Variants in UBE2A observed in about 807,000 individuals in gnomAD.
UBE2A encodes the protein ubiquitin conjugating enzyme E2 A.
For synonymous variants in UBE2A, 39 were observed against 41.1 expected (o/e 0.95, Z 0.20); for missense variants, 27 against 125.8 (o/e 0.21, Z 3.76).
intron 4 of UBE2A, among the ~76,000 whole-genome samples, chrX:119,582,012 C>T (rs763468912): frequency 8.9e-6 from 1 of 112,289 alleles, no homozygotes; most frequent in South Asian, 3.6e-4. Flanking sequence ...CACTCCAAAC[C>T]TAATGAATAG....
intron 3 of UBE2A, among the ~76,000 whole-genome samples, chrX:119,579,166 C>G (rs1239775203): frequency 8.9e-6 from 1 of 111,864 alleles, no homozygotes; most frequent in Non-Finnish European, 1.9e-5. Flanking sequence ...CTTCACTTCT[C>G]AAGATATTAA....
intron 3 of UBE2A, 59 bp downstream of exon 3, chrX:119,575,459 C>T: frequency 8.3e-7 from 1 of 1,198,142 alleles, no homozygotes; most frequent in Non-Finnish European, 1.1e-6. Context: ...GAAAGGGTTC[C>T]CAGTCATCCT....
chrX:119,579,526 C>G (rs974398692), intron 3 of UBE2A, among the ~76,000 whole-genome samples: 20 of 111,453 alleles, frequency 1.8e-4, no homozygotes, highest in African/African-American at 6.2e-4. Context: ...CTCATTTAAA[C>G]CTCACAACAA....
intron 2 of UBE2A, 192 bp from the exon 3 acceptor site, chrX:119,575,183 G>A: frequency 1.3e-6 from 1 of 741,319 alleles, no homozygotes; most frequent in Non-Finnish European, 2.0e-6. Flanking sequence ...TTCTAGGGGG[G>A]CGGGGCGGGG....
intron 3 of UBE2A, among the ~76,000 whole-genome samples, chrX:119,577,846 T>G (rs929039521): frequency 4.4e-4 from 48 of 109,876 alleles, no homozygotes; most frequent in African/African-American, 1.6e-3. Context: ...TTCACTATGT[T>G]GGGCAGGCTG....
rs1038218592 is a variant in UBE2A at position 119,581,544 on chromosome X, T to C, written c.189T>C (p.Tyr63=). 1 of 1,206,297 alleles carries C rather than the reference T, an allele frequency of 8.3e-7. No individual in the cohort carries two copies. The highest frequency in any genetic ancestry group is 3.0e-5 in the East Asian group (1 of 33,829). ...TTACAATAGAATTCACTGAAGAATA[T>C]CCAAATAAACCACCTACAGTTAGAT... ...FKLTIEFTEE[Y]PNKPPTVRFV... is the part of the protein sequence containing the mutation. Residue 63 remains tyrosine (Y), a synonymous_variant, in exon 4 of 6, where the codon TAT becomes TAC. Transcript: ENST00000371558.
chrX:119,578,772 C>T (rs1346554935), intron 3 of UBE2A, among the ~76,000 whole-genome samples: 1 of 111,233 alleles, frequency 9.0e-6, no homozygotes, highest in Non-Finnish European at 1.9e-5. Context: ...TCACTTAACA[C>T]GTTTATGTAA....
intron 5 of UBE2A, 73 bp downstream of exon 5, chrX:119,582,749 G>C: frequency 1.2e-6 from 1 of 851,232 alleles, no homozygotes. Context: ...GTTTTTGAAA[G>C]TCATAATGTA....
intron 3 of UBE2A, among the ~76,000 whole-genome samples, chrX:119,579,692 C>T (rs2053439044): frequency 8.9e-6 from 1 of 112,042 alleles, no homozygotes; most frequent in African/African-American, 3.2e-5. Flanking sequence ...ATGCTCTTAG[C>T]AGTGTGTTTT....
rs1262087797 is a variant in UBE2A, at chrX:119,583,938, G to A, written c.*683G>A. 8.9e-6 allele frequency: 1 copy of A among 112,588 alleles called. No homozygotes were observed. Among genetic ancestry groups the A allele is most frequent in the African/African-American group, 3.2e-5 (1 of 30,839 alleles). The allele number at this position is 112,588 out of a possible 1,213,427, so 9.3% of individuals were successfully genotyped here. A position where few individuals can be genotyped will look rare whatever the true frequency, so the allele number is the denominator to read the frequency against. On this transcript the variant is annotated 3_prime_UTR_variant, in exon 6 of 6. Transcript: ENST00000371558. The stretch of plus-strand genomic sequence containing the variant: ...CAAGTTTCAGAATTATTGGTCTTCT[G>A]GGTTTTTGCTTTTTAAAAGAGGTGT...
intron 3 of UBE2A, among the ~76,000 whole-genome samples, chrX:119,576,504 TAC>T (rs748580325): frequency 0.15 from 16,441 of 107,110 alleles, 1,415 homozygotes; most frequent in African/African-American, 0.31. Context: ...ATAGCATTTA[TAC>T]ACACACACAC....
chrX:119,574,820 C>T (rs1336945396), intron 1 of UBE2A, 65 bp downstream of exon 1: 4 of 1,196,234 alleles, frequency 3.3e-6, no homozygotes, highest in Admixed American at 4.5e-5. Context: ...TCCCGAGGCG[C>T]GCCGGGCGGG....
At chrX:119,578,077 CT>C (rs2053429882) in intron 3 of UBE2A, among the ~76,000 whole-genome samples, 1 of 111,829 alleles carries the variant, frequency 8.9e-6, no homozygotes, top group Admixed American at 9.5e-5. Flanking sequence ...CCCAAAACTA[CT>C]TTTGCTTCTT....
chrX:119,582,704 A>G (rs748233583), intron 5 of UBE2A, 28 bp downstream of exon 5: 5 of 1,018,117 alleles, frequency 4.9e-6, no homozygotes, highest in African/African-American at 3.7e-5. Flanking sequence ...GTGACGAACT[A>G]TAACTTTTAA....
chrX:119,580,758 T>A (rs2053444581), intron 3 of UBE2A: 1 of 112,202 alleles, frequency 8.9e-6, no homozygotes, highest in Non-Finnish European at 1.9e-5. Flanking sequence ...GAAAAATAAT[T>A]TCATTTCAAT....
At chrX:119,576,291 A>G (rs2053415347) in intron 3 of UBE2A, among the ~76,000 whole-genome samples, 1 of 111,755 alleles carries the variant, frequency 8.9e-6, no homozygotes, top group African/African-American at 3.3e-5. Context: ...ATCTTGAATG[A>G]CTAGACCCTA....
At chrX:119,574,791 A>T in intron 1 of UBE2A, 36 bp downstream of exon 1, 2 of 1,184,877 alleles carry the variant, frequency 1.7e-6, no homozygotes, top group Non-Finnish European at 2.3e-6. Flanking sequence ...GGGGGTTGCG[A>T]GCTGGGGCAC....
intron 4 of UBE2A, 143 bp from the exon 5 acceptor site, chrX:119,582,445 T>C (rs1323599103): frequency 1.7e-5 from 7 of 419,216 alleles, no homozygotes; most frequent in Non-Finnish European, 3.0e-5. Context: ...TTATGACTTA[T>C]CTTTTTAGGC....
At position 119,575,390 on chromosome X, in the gene UBE2A, G is replaced by T. The variant is rs776525258; in HGVS notation, c.141G>T (p.Pro47=). ...NAVIFGPEGT[P]FEDGTFKLTI... is the part of the protein sequence containing the mutation. Reference sequence around the variant, plus strand: ...TGTGTTGCAGGCCTGAAGGGACCCCGTTTGAGGATGGTAAGAGAGAGTTTC... The same window carrying T: ...TGTGTTGCAGGCCTGAAGGGACCCCTTTTGAGGATGGTAAGAGAGAGTTTC... The change falls in exon 3 of 6, where the codon CCG becomes CCT. Residue 47 remains proline (P), a synonymous_variant. Coordinates refer to ENST00000371558, the MANE Select transcript of UBE2A (RefSeq NM_003336.4). 9 of 1,211,775 alleles carry T rather than the reference G, an allele frequency of 7.4e-6. No individual in the cohort carries two copies. The East Asian group carries it at 2.4e-4, about 32-fold the overall frequency.
Sources: gnomAD v4.1 joint callset for allele counts (sites outside exome capture counted in the v4.1 genomes callset) on GRCh38, gnomAD v4.1.1 for gene constraint, MANE v1.5 for transcripts, NCBI Gene and HGNC (gene_info 2026-07-23, HGNC 2026-07-21) for gene names.